Variants in CCDC178 observed in about 807,000 individuals in gnomAD.
CCDC178 encodes coiled-coil domain containing 178.
CCDC178 carries 126 observed loss-of-function variants against 117.4 expected under a neutral mutation model. The ratio of observed to expected loss-of-function variants is 1.07; its 90% confidence interval spans 0.93 to 1.24. CCDC178 has a LOEUF of 1.24. Ranked by LOEUF, CCDC178 falls within the 50% of genes most tolerant of loss-of-function variation. The pLI, the probability that CCDC178 is intolerant of heterozygous loss-of-function variation, is 0.00. For synonymous variants in CCDC178, 283 were observed against 313.4 expected, an observed-to-expected ratio of 0.90 and a Z score of 1.02; for missense variants, 1,030 against 986.9, an observed-to-expected ratio of 1.04 and a Z score of -0.59.
intron 21 of CCDC178, among the ~76,000 whole-genome samples, chr18:33,042,664 A>G (rs914231182): frequency 5.9e-5 from 9 of 151,944 alleles, no homozygotes; most frequent in Admixed American, 2.6e-4. Context: ...TGTGCTAATT[A>G]TACTGTGGTT....
intron 4 of CCDC178, among the ~76,000 whole-genome samples, chr18:33,393,910 C>A (rs1446210905): frequency 6.6e-6 from 1 of 151,876 alleles, no homozygotes; most frequent in Non-Finnish European, 1.5e-5. Flanking sequence ...GACACGTATA[C>A]ATACATTTCT....
intron 21 of CCDC178, among the ~76,000 whole-genome samples, chr18:32,975,477 C>T (rs1353825789): frequency 1.3e-5 from 2 of 152,092 alleles, no homozygotes; most frequent in Non-Finnish European, 2.9e-5. Flanking sequence ...TACATTTGCC[C>T]TTCACCAGTT....
At chr18:33,060,828 T>A (rs949367231) in intron 21 of CCDC178, among the ~76,000 whole-genome samples, 2 of 152,094 alleles carry the variant, frequency 1.3e-5, no homozygotes, top group African/African-American at 4.8e-5. Context: ...ACTTGAACAA[T>A]GCAGAAAAAC....
Position 33,336,582 on chromosome 18 carries a change from A to G in CCDC178, c.659-3188T>C, listed in dbSNP as rs541554320. On this transcript the variant is annotated intron_variant, in intron 9 of 22. Transcript: ENST00000383096. ...TTTATTTTCTGAATTAATAGGTAAA[A>G]TGAACACCCTATTCTCAAAACTCAA... Among the ~76,000 whole-genome samples, 3 of 152,254 alleles carry G rather than the reference A, an allele frequency of 2.0e-5. No individual in the cohort carries two copies. The East Asian group carries it at 5.8e-4, about 29-fold the overall frequency.
intron 21 of CCDC178, among the ~76,000 whole-genome samples, chr18:32,998,889 A>G (rs2055571917): frequency 1.3e-5 from 2 of 152,118 alleles, no homozygotes; most frequent in African/African-American, 2.4e-5. Flanking sequence ...AGATGACATC[A>G]GGTGTCAACA....
At chr18:33,156,082 CTTTT>C (rs755685926) in intron 20 of CCDC178, among the ~76,000 whole-genome samples, 44 of 98,040 alleles carry the variant, frequency 4.5e-4, no homozygotes, top group African/African-American at 1.8e-3. Flanking sequence ...CTAGAAAACA[CTTTT>C]TTTTTTTTTT....
chr18:33,182,407 CA>C (rs1248881056), intron 20 of CCDC178, among the ~76,000 whole-genome samples: 22 of 151,880 alleles, frequency 1.4e-4, no homozygotes, highest in African/African-American at 4.8e-4. Flanking sequence ...TTTAAAAAAT[CA>C]AATTATAAGT....
intron 21 of CCDC178, among the ~76,000 whole-genome samples, chr18:33,041,010 G>A (rs1320208175): frequency 6.6e-6 from 1 of 151,922 alleles, no homozygotes; most frequent in African/African-American, 2.4e-5. Context: ...AGAATTCCAA[G>A]AGCAAGAGAA....
chr18:32,947,889 T>TA, intron 22 of CCDC178, among the ~76,000 whole-genome samples: 1 of 152,242 alleles, frequency 6.6e-6, no homozygotes, highest in Non-Finnish European at 1.5e-5. Context: ...TTGTCCAAGG[T>TA]AATGGTGAAA....
chr18:33,189,965 A>G (rs1422214292), intron 20 of CCDC178, among the ~76,000 whole-genome samples: 2 of 152,190 alleles, frequency 1.3e-5, no homozygotes, highest in African/African-American at 4.8e-5. Context: ...AATGGATGCC[A>G]GTGTGCCCTT....
rs1382601793 is a variant in CCDC178, at chr18:33,115,786, G to A, written c.2239-22876C>T. ...CCTGCACATTCTGAGTCCTTTCAAG[G>A]AGTTAATCGTTCTGCCTCAGTCCAG... On this transcript the variant is annotated intron_variant, in intron 20 of 22. Transcript: ENST00000383096. Among the ~76,000 whole-genome samples, 3 of 152,066 alleles carry A rather than the reference G, an allele frequency of 2.0e-5. No homozygotes were observed. In the South Asian group the frequency reaches 6.2e-4, roughly 32 times the overall value.
rs1555656270 is a variant in CCDC178, at chr18:33,179,078, A to AATAT, written c.2238+32814_2238+32817dup. Among the ~76,000 whole-genome samples, 438 of 55,764 alleles carry AATAT rather than the reference A, an allele frequency of 7.9e-3. 18 individuals are homozygous for AATAT. Among genetic ancestry groups the AATAT allele is most frequent in the East Asian group, 0.022 (43 of 1,964 alleles). The allele number at this position is 55,764 out of a possible 152,430, so 36.6% of individuals were successfully genotyped here. ...ACTCAGTAAAAAAAAAAAAAAAAAA[A>AATAT]ATATATATATATATATATATATATA... On this transcript the variant is annotated intron_variant, in intron 20 of 22. Transcript: ENST00000383096.
intron 5 of CCDC178, among the ~76,000 whole-genome samples, chr18:33,382,774 G>A (rs538012411): frequency 6.6e-6 from 1 of 152,168 alleles, no homozygotes; most frequent in Non-Finnish European, 1.5e-5. Flanking sequence ...TGGGCTGCAG[G>A]AGTTTTTACA....
intron 21 of CCDC178, among the ~76,000 whole-genome samples, chr18:33,027,755 T>C (rs977170097): frequency 2.0e-5 from 3 of 151,702 alleles, no homozygotes; most frequent in African/African-American, 2.4e-5. Flanking sequence ...AGGAAAGTCA[T>C]AAAATTTCAA....
intron 22 of CCDC178, among the ~76,000 whole-genome samples, chr18:32,969,244 A>C (rs1286469234): frequency 6.6e-6 from 1 of 152,032 alleles, no homozygotes; most frequent in African/African-American, 2.4e-5. Context: ...ACAGACACAC[A>C]CACAGATACT....
intron 20 of CCDC178, among the ~76,000 whole-genome samples, chr18:33,107,187 T>C (rs1199860734): frequency 6.6e-6 from 1 of 151,620 alleles, no homozygotes; most frequent in Non-Finnish European, 1.5e-5. Flanking sequence ...GACAACAATA[T>C]AAAACTAATG....
chr18:33,318,466 T>A lies in CCDC178; in HGVS notation c.1022+5025A>T, dbSNP rs566328973. 2.0e-5 allele frequency among the ~76,000 whole-genome samples: 3 copies of A among 152,260 alleles called. No individual in the cohort carries two copies. The South Asian group carries it at 6.2e-4, about 32-fold the overall frequency. On this transcript the variant is annotated intron_variant, in intron 11 of 22. Coordinates refer to ENST00000383096, the MANE Select transcript of CCDC178 (RefSeq NM_001105528.4). ...GACAAAAGGAAATGATTTAAATAGA[T>A]AATAAGCCAGAAGAAAGTCTTCAGA...
chr18:33,402,726 C>T (rs1217228127), intron 3 of CCDC178, among the ~76,000 whole-genome samples: 2 of 152,120 alleles, frequency 1.3e-5, no homozygotes, highest in Admixed American at 6.5e-5. Flanking sequence ...ATTTTGAGGA[C>T]TTTGTTGTTG....
chr18:33,048,287 A>G (rs956282740), intron 21 of CCDC178, among the ~76,000 whole-genome samples: 1 of 152,182 alleles, frequency 6.6e-6, no homozygotes, highest in African/African-American at 2.4e-5. Flanking sequence ...AGTTTCTGGT[A>G]CATTATTACA....
Sources: gnomAD v4.1 joint callset for allele counts (sites outside exome capture counted in the v4.1 genomes callset) on GRCh38, gnomAD v4.1.1 for gene constraint, MANE v1.5 for transcripts, NCBI Gene and HGNC (gene_info 2026-07-23, HGNC 2026-07-21) for gene names.